The following MACROD2 variants were observed in gnomAD, a reference collection of about 807,000 sequenced individuals.
MACROD2 encodes mono-ADP ribosylhydrolase 2.
A neutral mutation model predicts 70.4 loss-of-function variants in MACROD2; 36 were observed. The ratio of observed to expected loss-of-function variants is 0.51; its 90% CI spans 0.39 to 0.68. MACROD2 has a LOEUF of 0.68. Ranked by LOEUF, MACROD2 falls within the 30% of genes least tolerant of loss-of-function variation. The pLI, the probability that MACROD2 is intolerant of heterozygous loss-of-function variation, is 0.00. For missense variants in MACROD2, 496 were observed against 538.4 expected (o/e 0.92, Z 0.78); for synonymous variants, 172 against 178.8 (o/e 0.96, Z 0.30).
rs76649355 is a variant in MACROD2 at position 15,440,856 on chromosome 20, T to C, written c.571+9421T>C. On this transcript the variant is annotated intron_variant, in intron 7 of 17. Coordinates refer to ENST00000684519, the MANE Select transcript of MACROD2 (RefSeq NM_001351661.2). Reference sequence around the variant, plus strand: ...TTCCATTTGCTTTAAAAACTTACTCTCAGGTGGTCTAATGATGACTCTTTT... The same window carrying C: ...TTCCATTTGCTTTAAAAACTTACTCCCAGGTGGTCTAATGATGACTCTTTT... 6.9e-3 allele frequency among the ~76,000 whole-genome samples: 1,047 copies of C among 152,264 alleles called. 11 individuals are homozygous for C. Among genetic ancestry groups the C allele is most frequent in the African/African-American group, 0.024 (992 of 41,554 alleles).
intron 3 of MACROD2, among the ~76,000 whole-genome samples, chr20:14,157,256 T>A (rs2055115519): frequency 6.6e-6 from 1 of 152,154 alleles, no homozygotes; most frequent in Admixed American, 6.5e-5. Flanking sequence ...TCTTTCATCC[T>A]CTTTTTCAAA....
At chr20:14,015,231 C>T (rs952510617) in intron 2 of MACROD2, among the ~76,000 whole-genome samples, 3 of 152,160 alleles carry the variant, frequency 2.0e-5, no homozygotes, top group African/African-American at 7.2e-5. Context: ...TGAGTACATT[C>T]ACAGTGCTGT....
chr20:14,148,904 C>T (rs1291018617), intron 3 of MACROD2, among the ~76,000 whole-genome samples: 1 of 152,066 alleles, frequency 6.6e-6, no homozygotes, highest in African/African-American at 2.4e-5. Context: ...GATCTCTTCT[C>T]TCCCCTTCCC....
At chr20:15,745,645 GT>G (rs2051172080) in intron 8 of MACROD2, among the ~76,000 whole-genome samples, 1 of 152,066 alleles carries the variant, frequency 6.6e-6, no homozygotes, top group South Asian at 2.1e-4. Context: ...ACACTTAAAA[GT>G]ATTTTCCTAT....
chr20:14,934,903 A>G (rs184305950), intron 5 of MACROD2: 23 of 152,338 alleles, frequency 1.5e-4, no homozygotes, highest in African/African-American at 5.5e-4. Context: ...ACAGACCTCC[A>G]ATAGAGAGGG....
intron 8 of MACROD2, among the ~76,000 whole-genome samples, chr20:15,655,621 G>T (rs1182321507): frequency 6.6e-6 from 1 of 152,114 alleles, no homozygotes; most frequent in Non-Finnish European, 1.5e-5. Flanking sequence ...AAGAAAAAAT[G>T]TATATAGGAA....
In MACROD2 at chr20:15,538,187, A is replaced by G. The variant is rs117895301; in HGVS notation, c.645+38340A>G. On this transcript the variant is annotated intron_variant, in intron 8 of 17. Coordinates refer to ENST00000684519, the MANE Select transcript of MACROD2 (RefSeq NM_001351661.2). ...CTTAAAAAAACTACCTAAACTATCA[A>G]TTTTATCATCCATTCACCCATTTGC... 2.6e-3 allele frequency among the ~76,000 whole-genome samples: 395 copies of G among 152,296 alleles called. 9 individuals carry two copies. The East Asian group carries it at 0.049, about 19-fold the overall frequency.
chr20:15,136,224 A>G (rs1166170621), intron 5 of MACROD2, among the ~76,000 whole-genome samples: 39 of 146,616 alleles, frequency 2.7e-4, no homozygotes, highest in Non-Finnish European at 4.2e-4. Flanking sequence ...TAAAGTTCAT[A>G]TGGAACCAAA....
intron 3 of MACROD2, among the ~76,000 whole-genome samples, chr20:14,284,889 A>T (rs1204784580): frequency 6.6e-6 from 1 of 151,984 alleles, no homozygotes; most frequent in Non-Finnish European, 1.5e-5. Context: ...TGGTAATGTT[A>T]CATTATTAGA....
chr20:15,583,611 A>T (rs2048557287), intron 8 of MACROD2, among the ~76,000 whole-genome samples: 1 of 151,610 alleles, frequency 6.6e-6, no homozygotes, highest in Non-Finnish European at 1.5e-5. Context: ...TTCTGTTTGC[A>T]TCCTTCATGC....
intron 10 of MACROD2, chr20:15,893,785 AATACTG>A (rs1390495473): frequency 2.2e-6 from 1 of 456,744 alleles, no homozygotes; most frequent in Admixed American, 2.3e-5. Flanking sequence ...AGAGTGTAAT[AATACTG>A]ATGGTGTCAG....
At chr20:14,679,932 A>G (rs538991088) in intron 4 of MACROD2, among the ~76,000 whole-genome samples, 105 of 152,348 alleles carry the variant, frequency 6.9e-4, no homozygotes, top group African/African-American at 2.4e-3. Context: ...ACTAGCAAGT[A>G]ACTTAAAATA....
chr20:15,713,751 A>C (rs2050662751), intron 8 of MACROD2, among the ~76,000 whole-genome samples: 1 of 152,146 alleles, frequency 6.6e-6, no homozygotes, highest in South Asian at 2.1e-4. Context: ...ACAACATATC[A>C]GGGTCTGGTC....
intron 5 of MACROD2, among the ~76,000 whole-genome samples, chr20:15,057,844 T>C (rs1167142876): frequency 2.0e-5 from 3 of 152,162 alleles, no homozygotes; most frequent in African/African-American, 7.2e-5. Context: ...GGAATCAGAA[T>C]GTTCTTTTTT....
intron 8 of MACROD2, among the ~76,000 whole-genome samples, chr20:15,692,841 C>A (rs2050315061): frequency 6.6e-6 from 1 of 152,176 alleles, no homozygotes; most frequent in Non-Finnish European, 1.5e-5. Flanking sequence ...CCACTCAAAT[C>A]TCATTTTGAA....
At chr20:15,406,310 C>T (rs569026043) in intron 6 of MACROD2, among the ~76,000 whole-genome samples, 6 of 152,288 alleles carry the variant, frequency 3.9e-5, no homozygotes, top group East Asian at 3.9e-4. Context: ...TTTGCTCACT[C>T]GAATACTTCA....
chr20:14,916,439 C>T (rs1169380601), intron 5 of MACROD2, among the ~76,000 whole-genome samples: 2 of 152,160 alleles, frequency 1.3e-5, no homozygotes, highest in East Asian at 3.9e-4. Context: ...CAGTTACTAT[C>T]AGTGGGACCT....
intron 6 of MACROD2, among the ~76,000 whole-genome samples, chr20:15,355,100 G>A (rs2078271740): frequency 6.6e-6 from 1 of 152,126 alleles, no homozygotes; most frequent in African/African-American, 2.4e-5. Context: ...ATGCCAACTG[G>A]AGTACTATAA....
rs149118470 is a variant in MACROD2, at chr20:14,444,879, T to C, written c.272-48600T>C. ...TGTGTGTATGTGTTTGTGTTCCATA[T>C]ATATATGTAGAGAGAGAGAGTTCAC... On this transcript the variant is annotated intron_variant, in intron 3 of 17. Coordinates refer to ENST00000684519, the MANE Select transcript of MACROD2 (RefSeq NM_001351661.2). Among the ~76,000 whole-genome samples, 3 of 151,960 alleles carry C rather than the reference T, an allele frequency of 2.0e-5. No individual in the cohort carries two copies. The East Asian group carries it at 5.8e-4, about 29-fold the overall frequency.
Sources: allele counts gnomAD v4.1 joint callset (sites outside exome capture counted in the v4.1 genomes callset), GRCh38; gene constraint gnomAD v4.1.1; transcripts MANE v1.5; gene names NCBI Gene and HGNC (gene_info 2026-07-23, HGNC 2026-07-21).